Variants in OR51B5 observed in about 807,000 individuals in gnomAD.
The protein encoded by OR51B5 is olfactory receptor 51B5.
For synonymous variants in OR51B5, 186 were observed against 144.8 expected, an observed-to-expected ratio of 1.28 and a Z score of -2.04; for missense variants, 456 against 374.6, an observed-to-expected ratio of 1.22 and a Z score of -1.79.
intron 1 of OR51B5, among the ~76,000 whole-genome samples, chr11:5,448,232 C>A (rs559983911): frequency 1.3e-5 from 2 of 152,282 alleles, no homozygotes; most frequent in South Asian, 2.1e-4. Flanking sequence ...CAGACCATAA[C>A]TGAACCCTAA....
chr11:5,447,578 C>T (rs575933473), intron 1 of OR51B5, among the ~76,000 whole-genome samples: 7 of 151,110 alleles, frequency 4.6e-5, no homozygotes, highest in Middle Eastern at 3.5e-3. Context: ...TATGTTATCA[C>T]CGCTCAGTCT....
intron 1 of OR51B5, among the ~76,000 whole-genome samples, chr11:5,492,854 C>G (rs570297883): frequency 6.6e-6 from 1 of 152,082 alleles, no homozygotes; most frequent in Non-Finnish European, 1.5e-5. Flanking sequence ...AGGCTGATCT[C>G]GAACTCCTGA....
intron 1 of OR51B5, among the ~76,000 whole-genome samples, chr11:5,451,990 A>T (rs546356127): frequency 6.6e-6 from 1 of 152,230 alleles, no homozygotes; most frequent in Non-Finnish European, 1.5e-5. Flanking sequence ...GAATGCCAGC[A>T]TAAGAAAAAT....
chr11:5,453,046 T>C (rs1156328664), intron 1 of OR51B5, among the ~76,000 whole-genome samples: 2 of 152,186 alleles, frequency 1.3e-5, no homozygotes, highest in Non-Finnish European at 2.9e-5. Flanking sequence ...TTAAGCAACA[T>C]TTTCAAGAAA....
chr11:5,401,880 TTC>T lies in OR51B5; in HGVS notation n.85-54972_85-54971del, dbSNP rs148071208. On this transcript the variant is annotated intron_variant and non_coding_transcript_variant, in intron 1 of 4. Transcript: ENST00000415970. Reference sequence around the variant, plus strand: ...GCTTTTTCTTTTTCCTTCCTTCCTTTTCTCTCTCTTCCTTCCTTCCTTTTCTT... The same window carrying T: ...GCTTTTTCTTTTTCCTTCCTTCCTTTTCTCTCTTCCTTCCTTCCTTTTCTT... Among the ~76,000 whole-genome samples, 3 of 146,398 alleles carry T rather than the reference TTC, an allele frequency of 2.0e-5. No individual in the cohort carries two copies. In the Admixed American group the frequency reaches 2.1e-4, roughly 10 times the overall value.
rs11037758 is a variant in OR51B5 at position 5,489,616 on chromosome 11, C to T, written n.84+15953G>A. On this transcript the variant is annotated intron_variant and non_coding_transcript_variant, in intron 1 of 4. Transcript: ENST00000415970. ...CTATGGAGCTAGAACCAAGGAGATTCGGAGTCGACTTCTAAAACTGCTTCA... is the reference window on the plus strand; with the variant it reads ...CTATGGAGCTAGAACCAAGGAGATTTGGAGTCGACTTCTAAAACTGCTTCA... The T allele has an allele frequency of 1.5e-3, 2,480 of 1,613,702 alleles. 33 individuals are homozygous for T. In the African/African-American group the frequency reaches 0.028, roughly 18 times the overall value.
intron 1 of OR51B5, among the ~76,000 whole-genome samples, chr11:5,462,337 G>C (rs560174618): frequency 6.6e-6 from 1 of 152,304 alleles, no homozygotes; most frequent in African/African-American, 2.4e-5. Flanking sequence ...GTTGCTCAGA[G>C]TTTTATGGAA....
intron 1 of OR51B5, among the ~76,000 whole-genome samples, chr11:5,375,748 C>G (rs1564791960): frequency 6.6e-6 from 1 of 152,106 alleles, no homozygotes; most frequent in African/African-American, 2.4e-5. Flanking sequence ...ATCAATTCAA[C>G]AAGAAGAGCT....
intron 1 of OR51B5, chr11:5,352,023 C>T: frequency 6.2e-7 from 1 of 1,613,924 alleles, no homozygotes; most frequent in Non-Finnish European, 8.5e-7. Context: ...CCCATGTACT[C>T]TCCCATGCTT....
exon 1 of OR51B5, chr11:5,343,000 T>C (rs1848923690): frequency 6.2e-7 from 1 of 1,613,522 alleles, no homozygotes; most frequent in Non-Finnish European, 8.5e-7. Context: ...GAAGGCAGAA[T>C]GCATGTGAAA....
chr11:5,420,055 T>C (rs1268825470), intron 1 of OR51B5, among the ~76,000 whole-genome samples: 2 of 151,888 alleles, frequency 1.3e-5, no homozygotes, highest in Admixed American at 6.5e-5. Flanking sequence ...TGATAGGTGA[T>C]AGATATATAG....
At chr11:5,453,639 G>A (rs761110245) in intron 1 of OR51B5, 1 of 1,613,594 alleles carries the variant, frequency 6.2e-7, no homozygotes, top group Non-Finnish European at 8.5e-7. Flanking sequence ...GGCTGTGCGA[G>A]TGGAGCCCAG....
rs182155272 is a variant in OR51B5 at position 5,415,594 on chromosome 11, A to G, written n.85-68684T>C. On this transcript the variant is annotated intron_variant and non_coding_transcript_variant, in intron 1 of 4. Transcript: ENST00000415970. ...TGCAATGAAAAATGATAAAGGGGAT[A>G]TCACCACCGATCCCACAGAAATACA... Among the ~76,000 whole-genome samples, 1,247 of 152,314 alleles carry G rather than the reference A, an allele frequency of 8.2e-3. 19 individuals carry two copies. The highest frequency in any genetic ancestry group is 0.029 in the African/African-American group (1,194 of 41,552).
At chr11:5,431,219 A>T (rs1269673975) in intron 1 of OR51B5, 7 of 351,210 alleles carry the variant, frequency 2.0e-5, no homozygotes, top group Non-Finnish European at 4.0e-5. Context: ...AGGAGGTTGT[A>T]GATGGCTACA....
intron 1 of OR51B5, among the ~76,000 whole-genome samples, chr11:5,404,622 C>A (rs542888242): frequency 1.3e-4 from 20 of 152,306 alleles, no homozygotes; most frequent in Non-Finnish European, 2.2e-4. Context: ...GCAGCGGCAA[C>A]CACCTGGGGT....
At chr11:5,408,265 C>T (rs1332501187) in intron 1 of OR51B5, among the ~76,000 whole-genome samples, 1 of 152,074 alleles carries the variant, frequency 6.6e-6, no homozygotes, top group Non-Finnish European at 1.5e-5. Context: ...TAATTGCTTT[C>T]TAAGTGATAT....
chr11:5,489,816 A>G (rs1851557129), intron 1 of OR51B5: 3 of 638,938 alleles, frequency 4.7e-6, no homozygotes, highest in Admixed American at 2.8e-5. Context: ...AGAGCTATCA[A>G]TTATCACACT....
intron 1 of OR51B5, among the ~76,000 whole-genome samples, chr11:5,397,351 T>G (rs1008061706): frequency 1.7e-4 from 26 of 151,882 alleles, no homozygotes; most frequent in African/African-American, 6.3e-4. Flanking sequence ...CTCAAACAAA[T>G]TTACAAGAGA....
At chr11:5,440,785 T>C (rs1850670242) in intron 1 of OR51B5, 1 of 1,613,838 alleles carries the variant, frequency 6.2e-7, no homozygotes, top group African/African-American at 1.3e-5. Context: ...ATGTGTGACA[T>C]GCAGGTGTTG....
Sources: gnomAD v4.1 joint callset for allele counts (sites outside exome capture counted in the v4.1 genomes callset) on GRCh38, gnomAD v4.1.1 for gene constraint, MANE v1.5 for transcripts, NCBI Gene and HGNC (gene_info 2026-07-23, HGNC 2026-07-21) for gene names.